Variants in GRID1 observed in about 807,000 individuals in gnomAD.
GRID1 encodes the protein glutamate receptor ionotropic, delta-1.
A neutral mutation model predicts 98.0 loss-of-function variants in GRID1; 28 were observed. The ratio of observed to expected loss-of-function variants is 0.29; its 90% CI spans 0.21 to 0.39. The LOEUF is 0.39. GRID1 is among the 10% of genes least tolerant of loss of function. The probability of loss-of-function intolerance (pLI) is 1.00; values close to 1 mark genes in which losing one functional copy is unlikely to be tolerated. For missense variants in GRID1, 1,111 were observed against 1,340.5 expected (o/e 0.83, Z 2.67); for synonymous variants, 553 against 538.5 (o/e 1.03, Z -0.37).
intron 4 of GRID1, among the ~76,000 whole-genome samples, chr10:86,068,690 G>C (rs1193963322): frequency 6.6e-6 from 1 of 152,194 alleles, no homozygotes; most frequent in African/African-American, 2.4e-5. Context: ...GAATTAAAAT[G>C]TGCTCTGTGA....
intron 4 of GRID1, 28 bp downstream of exon 4, chr10:86,138,791 C>CTT (rs1564687310): frequency 6.3e-7 from 1 of 1,579,276 alleles, no homozygotes; most frequent in Admixed American, 1.7e-5. Flanking sequence ...GCACCAGGCC[C>CTT]CTGAGGCCTC....
intron 2 of GRID1, among the ~76,000 whole-genome samples, chr10:86,357,123 C>T (rs1848543474): frequency 6.6e-6 from 1 of 152,244 alleles, no homozygotes; most frequent in African/African-American, 2.4e-5. Context: ...CACCTCATCC[C>T]CTCCAGTCCA....
intron 12 of GRID1, among the ~76,000 whole-genome samples, chr10:85,668,502 A>G (rs562408655): frequency 6.6e-6 from 1 of 152,294 alleles, no homozygotes; most frequent in Admixed American, 6.5e-5. Flanking sequence ...TGTTCTTTAG[A>G]CGCTACTGTT....
intron 2 of GRID1, among the ~76,000 whole-genome samples, chr10:86,235,008 A>T (rs774165348): frequency 7.2e-5 from 11 of 152,206 alleles, no homozygotes; most frequent in Non-Finnish European, 1.3e-4. Flanking sequence ...AGCTCCACGG[A>T]CGTGCATGCA....
chr10:85,954,222 C>T (rs754265615), intron 4 of GRID1, among the ~76,000 whole-genome samples: 1 of 152,140 alleles, frequency 6.6e-6, no homozygotes, highest in African/African-American at 2.4e-5. Context: ...CTGGATAGCA[C>T]TCAGGACAGG....
Position 85,654,889 on chromosome 10 carries a change from T to C in GRID1, c.1998-7492A>G, listed in dbSNP as rs573236905. ...TAAACATAGGCATATGTTATATGTG[T>C]TTCTGATTTGCCAAACTCAGCCTAG... On this transcript the variant is annotated intron_variant, in intron 12 of 15. Transcript: ENST00000327946. Among the ~76,000 whole-genome samples, 6 of 152,310 alleles carry C rather than the reference T, an allele frequency of 3.9e-5. No homozygotes were observed. In the South Asian group the frequency reaches 1.2e-3, roughly 32 times the overall value.
intron 5 of GRID1, among the ~76,000 whole-genome samples, chr10:85,872,934 T>A (rs1843292740): frequency 6.6e-6 from 1 of 152,188 alleles, no homozygotes; most frequent in Non-Finnish European, 1.5e-5. Flanking sequence ...GCAATCAGAA[T>A]CTAACAAGCC....
intron 4 of GRID1, among the ~76,000 whole-genome samples, chr10:85,984,432 A>G (rs1313576464): frequency 2.0e-5 from 3 of 152,162 alleles, no homozygotes; most frequent in Admixed American, 2.0e-4. Flanking sequence ...TGCTTATGTC[A>G]AGAAAGCACC....
intron 5 of GRID1, among the ~76,000 whole-genome samples, chr10:85,901,622 C>T (rs1204519628): frequency 6.6e-6 from 1 of 152,160 alleles, no homozygotes; most frequent in East Asian, 1.9e-4. Flanking sequence ...GTAACTATCA[C>T]AAAGTCTACT....
At chr10:86,351,350 T>C (rs1848459617) in intron 2 of GRID1, among the ~76,000 whole-genome samples, 2 of 152,146 alleles carry the variant, frequency 1.3e-5, no homozygotes, top group African/African-American at 4.8e-5. Flanking sequence ...GCAGCACACA[T>C]AGGAGCTGGT....
intron 12 of GRID1, among the ~76,000 whole-genome samples, chr10:85,660,447 G>A (rs1840952511): frequency 6.6e-6 from 1 of 152,188 alleles, no homozygotes; most frequent in Non-Finnish European, 1.5e-5. Flanking sequence ...ACAAACATCT[G>A]GGGATATCCA....
At chr10:86,023,882 G>T (rs889374714) in intron 4 of GRID1, among the ~76,000 whole-genome samples, 1 of 152,096 alleles carries the variant, frequency 6.6e-6, no homozygotes, top group Non-Finnish European at 1.5e-5. Context: ...GCCTCACCAT[G>T]TCTCACTTAG....
At chr10:85,769,967 G>A (rs1390626285) in intron 8 of GRID1, among the ~76,000 whole-genome samples, 2 of 152,240 alleles carry the variant, frequency 1.3e-5, no homozygotes, top group Non-Finnish European at 2.9e-5. Flanking sequence ...GCTTTGAAGA[G>A]AGCAGTGGTT....
At chr10:85,921,348 G>T (rs1841700521) in intron 4 of GRID1, among the ~76,000 whole-genome samples, 1 of 152,210 alleles carries the variant, frequency 6.6e-6, no homozygotes, top group Non-Finnish European at 1.5e-5. Flanking sequence ...CACGTCTGGG[G>T]AGCCGACTGT....
chr10:86,230,481 G>T (rs1201858802), intron 2 of GRID1, among the ~76,000 whole-genome samples: 1 of 152,186 alleles, frequency 6.6e-6, no homozygotes, highest in Non-Finnish European at 1.5e-5. Flanking sequence ...ACAGCAGACA[G>T]AGCTCAAACG....
At chr10:85,646,474 C>T (rs2132551430) in intron 13 of GRID1, 1 of 152,512 alleles carries the variant, frequency 6.6e-6, no homozygotes, top group Admixed American at 6.5e-5. Flanking sequence ...CAGCTTGTAA[C>T]CCAAGGAGTC....
chr10:85,786,931 CT>C (rs1388041948), intron 8 of GRID1, among the ~76,000 whole-genome samples: 3 of 152,176 alleles, frequency 2.0e-5, no homozygotes, highest in African/African-American at 7.2e-5. Flanking sequence ...GAAATGGGGC[CT>C]CTCTCCAGCC....
chr10:86,161,094 C>T (rs1230239562), intron 3 of GRID1, among the ~76,000 whole-genome samples: 3 of 152,184 alleles, frequency 2.0e-5, no homozygotes, highest in Non-Finnish European at 4.4e-5. Context: ...CAGCTGATAG[C>T]ACCAGCAACA....
At chr10:85,705,268 T>C (rs1388477765) in intron 12 of GRID1, among the ~76,000 whole-genome samples, 1 of 151,916 alleles carries the variant, frequency 6.6e-6, no homozygotes, top group Admixed American at 6.6e-5. Flanking sequence ...ATAGATGCAA[T>C]GAAAAATGAT....
Sources: allele counts gnomAD v4.1 joint callset (sites outside exome capture counted in the v4.1 genomes callset), GRCh38; gene constraint gnomAD v4.1.1; transcripts MANE v1.5; gene names NCBI Gene and HGNC (gene_info 2026-07-23, HGNC 2026-07-21).